SORBS2: variants seen among roughly 807,000 people sequenced by gnomAD.
SORBS2 encodes sorbin and SH3 domain containing 2.
In SORBS2, 46 loss-of-function variants were observed where a neutral mutation model predicts 97.7. The observed-to-expected ratio is 0.47, with a 90% CI of 0.37 to 0.60. The LOEUF (loss-of-function observed/expected upper bound fraction) is 0.60, where lower values mean the gene tolerates loss of function less well. SORBS2 is among the 20% of genes least tolerant of loss of function. The pLI is 0.00. For synonymous variants in SORBS2, 476 were observed against 473.4 expected (o/e 1.01, Z -0.07); for missense variants, 1,316 against 1,282.3 (o/e 1.03, Z -0.40).
chr4:185,630,406 A>C, intron 5 of SORBS2, 143 bp downstream of exon 17: 1 of 447,536 alleles, frequency 2.2e-6, no homozygotes, highest in Admixed American at 4.2e-5. Flanking sequence ...GCTGAAACAA[A>C]ATAAAACAAC....
chr4:185,791,375 C>A (rs2099079186), intron 1 of SORBS2, among the ~76,000 whole-genome samples: 1 of 151,962 alleles, frequency 6.6e-6, no homozygotes, highest in African/African-American at 2.4e-5. Context: ...TATACATAGA[C>A]CTTGGGTGTG....
At chr4:185,637,328 C>A (rs1478311721) in intron 4 of SORBS2, among the ~76,000 whole-genome samples, 4 of 152,186 alleles carry the variant, frequency 2.6e-5, no homozygotes, top group African/African-American at 9.7e-5. Context: ...CCAGGAGCAA[C>A]GGGCCATAGC....
intron 11 of SORBS2, among the ~76,000 whole-genome samples, chr4:185,613,646 CAAAA>C (rs35723770): frequency 0.23 from 19,992 of 85,524 alleles, 1,592 homozygotes; most frequent in African/African-American, 0.31. Flanking sequence ...CACTCCATCT[CAAAA>C]AAAAAAAAAA....
intron 1 of SORBS2, chr4:185,894,170 T>C (rs937309708): frequency 6.6e-6 from 1 of 152,154 alleles, no homozygotes; most frequent in Admixed American, 6.5e-5. Flanking sequence ...GAAATATGCA[T>C]GTTTTAAAAG....
intron 6 of SORBS2, among the ~76,000 whole-genome samples, chr4:185,626,200 G>T (rs191181193): frequency 6.6e-6 from 1 of 152,320 alleles, no homozygotes; most frequent in Non-Finnish European, 1.5e-5. Flanking sequence ...AAAAAGGCTT[G>T]GTGATTCCTC....
rs1385886889 is a variant in SORBS2 at position 185,778,085 on chromosome 4, A to T, written c.-337-2719T>A. Among the ~76,000 whole-genome samples the T allele has an allele frequency of 3.3e-5, 5 of 152,250 alleles. No homozygotes were observed. In the East Asian group the frequency reaches 9.6e-4, roughly 29 times the overall value. On this transcript the variant is annotated intron_variant, in intron 1 of 20. Coordinates refer to the SORBS2 transcript ENST00000284776. ...CAGTATTTTGGACATAGTATGTTAA[A>T]TAGGATATTTTGCTAAAATTAATTT...
At chr4:185,670,069 A>G (rs2097687662) in intron 4 of SORBS2, among the ~76,000 whole-genome samples, 1 of 152,020 alleles carries the variant, frequency 6.6e-6, no homozygotes, top group Admixed American at 6.5e-5. Context: ...AAATACAAAA[A>G]TTAGCCAGGC....
chr4:185,660,638 C>T (rs1442497695), upstream of SORBS2, among the ~76,000 whole-genome samples: 1 of 152,216 alleles, frequency 6.6e-6, no homozygotes, highest in Non-Finnish European at 1.5e-5. Flanking sequence ...TGACATAAAA[C>T]ATCCCTGAAT....
At chr4:185,640,684 A>G (rs2097111723) in intron 4 of SORBS2, among the ~76,000 whole-genome samples, 1 of 152,184 alleles carries the variant, frequency 6.6e-6, no homozygotes, top group Admixed American at 6.5e-5. Context: ...ATGTCCATAA[A>G]ATACTATTTT....
chr4:185,630,472 C>A, intron 5 of SORBS2, 77 bp downstream of exon 17: 1 of 883,240 alleles, frequency 1.1e-6, no homozygotes, highest in Non-Finnish European at 1.8e-6. Flanking sequence ...CTCATTACTA[C>A]TTCACTGAAT....
chr4:185,700,218 G>A (rs2098240758), intron 2 of SORBS2, among the ~76,000 whole-genome samples: 1 of 152,168 alleles, frequency 6.6e-6, no homozygotes, highest in Non-Finnish European at 1.5e-5. Context: ...TTAAATCAAT[G>A]TCTAAATGAA....
At chr4:185,888,586 T>G (rs966003455) in intron 1 of SORBS2, among the ~76,000 whole-genome samples, 2 of 152,264 alleles carry the variant, frequency 1.3e-5, no homozygotes, top group Non-Finnish European at 2.9e-5. Flanking sequence ...AGCAACCATA[T>G]GAAACAAATA....
chr4:185,790,133 A>T (rs6815912), intron 1 of SORBS2, among the ~76,000 whole-genome samples: 28,459 of 150,896 alleles, frequency 0.19, 3,585 homozygotes, highest in East Asian at 0.34. Flanking sequence ...TTTTTTTTTT[A>T]ATAGCATAGT....
intron 1 of SORBS2, among the ~76,000 whole-genome samples, chr4:185,921,017 C>G (rs1579503678): frequency 6.6e-6 from 1 of 152,186 alleles, no homozygotes; most frequent in Non-Finnish European, 1.5e-5. Flanking sequence ...CCCCTCAGCA[C>G]CTGAGAGGCA....
chr4:185,677,397 A>G (rs764586951), intron 4 of SORBS2: 1 of 1,552,288 alleles, frequency 6.4e-7, no homozygotes. Context: ...AGCTGCTGGT[A>G]GTGGATTAGT....
intron 1 of SORBS2, among the ~76,000 whole-genome samples, chr4:185,787,863 A>G (rs1584848326): frequency 6.6e-6 from 1 of 152,346 alleles, no homozygotes; most frequent in East Asian, 1.9e-4. Context: ...ACCTTGAATC[A>G]TAGCTGGAAA....
rs1202482979 is a variant in SORBS2, at chr4:185,767,415, G to A, written c.-198+7812C>T. Among the ~76,000 whole-genome samples the A allele has an allele frequency of 8.5e-5, 12 of 141,446 alleles. No homozygotes were observed. The Admixed American group carries it at 9.1e-4, about 11-fold the overall frequency. The allele number at this position is 141,446 out of a possible 152,430, so 92.8% of individuals were successfully genotyped here. ...CTCGGGAGGCTGAGGCAGGGGAATGGCGTGAACCCGGGAGGCGGAGCTTGC... is the reference window on the plus strand; with the variant it reads ...CTCGGGAGGCTGAGGCAGGGGAATGACGTGAACCCGGGAGGCGGAGCTTGC... On this transcript the variant is annotated intron_variant, in intron 2 of 20. Transcript: ENST00000284776.
chr4:185,842,930 T>TAAAAAAAA (rs56193107), intron 1 of SORBS2, among the ~76,000 whole-genome samples: 2 of 122,356 alleles, frequency 1.6e-5, no homozygotes, highest in African/African-American at 3.1e-5. Context: ...AAAGACTGTC[T>TAAAAAAAA]AAAAAAAAAA....
chr4:185,910,626 C>T (rs1478135329), intron 1 of SORBS2, among the ~76,000 whole-genome samples: 2 of 152,170 alleles, frequency 1.3e-5, no homozygotes, highest in Non-Finnish European at 2.9e-5. Flanking sequence ...TGGCTCACTG[C>T]AGGCTCAGCC....
Sources: gnomAD v4.1 joint callset for allele counts (sites outside exome capture counted in the v4.1 genomes callset) on GRCh38, gnomAD v4.1.1 for gene constraint, MANE v1.5 for transcripts, NCBI Gene and HGNC (gene_info 2026-07-23, HGNC 2026-07-21) for gene names.